ZFHX3: variants seen among roughly 807,000 people sequenced by gnomAD.
ZFHX3 encodes zinc finger homeobox protein 3.
In ZFHX3, 42 loss-of-function variants were observed where a neutral mutation model predicts 279.1. The ratio of observed to expected loss-of-function variants is 0.15; its 90% CI spans 0.12 to 0.19. ZFHX3 has a LOEUF of 0.19. ZFHX3 is among the 10% of genes least tolerant of loss of function. ZFHX3 has a pLI of 1.00. For synonymous variants in ZFHX3, 2,293 were observed against 1,957.8 expected (o/e 1.17, Z -4.52); for missense variants, 4,981 against 4,754.0 (o/e 1.05, Z -1.40).
At position 73,691,389 on chromosome 16, in the gene ZFHX3, A is replaced by G. The variant is rs139201582; in HGVS notation, c.-1607-11149T>C. 1.5e-3 allele frequency among the ~76,000 whole-genome samples: 228 copies of G among 152,374 alleles called. 1 individual carries two copies. The highest frequency in any genetic ancestry group is 5.3e-3 in the African/African-American group (219 of 41,596). On this transcript the variant is annotated intron_variant, in intron 1 of 17. Transcript: ENST00000641206. ...GACTGAAGGAACTCAAAGAGCTTCA[A>G]CACTGCTGTCCATGAAAGAGTAATA...
intron 3 of ZFHX3, among the ~76,000 whole-genome samples, chr16:73,364,983 C>T (rs373700929): frequency 7.1e-4 from 108 of 152,176 alleles, no homozygotes; most frequent in Non-Finnish European, 1.1e-3. Context: ...TTTTCATTAT[C>T]GGCCCTCCTT....
intron 3 of ZFHX3, among the ~76,000 whole-genome samples, chr16:73,394,155 C>T (rs1189864786): frequency 1.3e-5 from 2 of 150,650 alleles, no homozygotes; most frequent in Non-Finnish European, 2.9e-5. Context: ...AGCAGTTTCT[C>T]TGTTGGCTGT....
At chr16:72,937,186 G>C (rs1960170494) in intron 3 of ZFHX3, among the ~76,000 whole-genome samples, 1 of 152,186 alleles carries the variant, frequency 6.6e-6, no homozygotes, top group South Asian at 2.1e-4. Flanking sequence ...CTGGATACAG[G>C]AAGAGGCCTA....
chr16:73,003,117 G>A (rs1963558246), intron 1 of ZFHX3, among the ~76,000 whole-genome samples: 1 of 152,056 alleles, frequency 6.6e-6, no homozygotes, highest in Non-Finnish European at 1.5e-5. Flanking sequence ...CTACCATATG[G>A]CTGCACCACA....
At chr16:72,870,955 T>C (rs1042535848) in intron 4 of ZFHX3, among the ~76,000 whole-genome samples, 6 of 152,308 alleles carry the variant, frequency 3.9e-5, no homozygotes, top group African/African-American at 1.4e-4. Context: ...AGGGGCACCA[T>C]GTGTGAAATT....
At chr16:73,851,164 C>T (rs530998218) in intron 1 of ZFHX3, among the ~76,000 whole-genome samples, 2 of 152,096 alleles carry the variant, frequency 1.3e-5, no homozygotes, top group Non-Finnish European at 2.9e-5. Flanking sequence ...ACATAAAGTA[C>T]AGAACTCAAT....
intron 5 of ZFHX3, among the ~76,000 whole-genome samples, chr16:73,247,287 CTGTG>C (rs1175533022): frequency 2.7e-5 from 4 of 150,274 alleles, no homozygotes; most frequent in African/African-American, 9.8e-5. Flanking sequence ...TAAAATGTGT[CTGTG>C]TGTCTATGTG....
intron 4 of ZFHX3, among the ~76,000 whole-genome samples, chr16:72,832,688 T>C (rs1405217931): frequency 7.2e-6 from 1 of 139,678 alleles, no homozygotes; most frequent in Non-Finnish European, 1.5e-5. Flanking sequence ...GCAGGTCCCA[T>C]TCAGCCCAGC....
intron 3 of ZFHX3, among the ~76,000 whole-genome samples, chr16:73,326,605 A>AG (rs2015694420): frequency 6.6e-6 from 1 of 152,102 alleles, no homozygotes; most frequent in African/African-American, 2.4e-5. Flanking sequence ...CCAAGGGTTG[A>AG]GGGGGGAGGG....
intron 1 of ZFHX3, among the ~76,000 whole-genome samples, chr16:73,863,963 C>T (rs1030907771): frequency 6.6e-6 from 1 of 152,328 alleles, no homozygotes; most frequent in Non-Finnish European, 1.5e-5. Flanking sequence ...GTACCCATCA[C>T]TCCCACCTCT....
chr16:72,837,295 G>C (rs776628595), intron 4 of ZFHX3, among the ~76,000 whole-genome samples: 2 of 152,126 alleles, frequency 1.3e-5, no homozygotes, highest in Admixed American at 6.5e-5. Flanking sequence ...CACCCTGGTG[G>C]CTTACCAAAA....
intron 4 of ZFHX3, among the ~76,000 whole-genome samples, chr16:72,871,391 G>A (rs1344942300): frequency 1.3e-5 from 2 of 151,294 alleles, no homozygotes; most frequent in African/African-American, 2.4e-5. Flanking sequence ...TGCCAGGCTG[G>A]AGTGCAATGG....
At chr16:72,962,391 G>A (rs922951208) in intron 1 of ZFHX3, among the ~76,000 whole-genome samples, 2 of 152,204 alleles carry the variant, frequency 1.3e-5, no homozygotes, top group Admixed American at 6.5e-5. Flanking sequence ...ACTCCAAAGC[G>A]GAAGATGTCA....
At chr16:73,771,464 T>G (rs2054017046) in intron 1 of ZFHX3, among the ~76,000 whole-genome samples, 1 of 152,190 alleles carries the variant, frequency 6.6e-6, no homozygotes, top group Admixed American at 6.5e-5. Flanking sequence ...ACTCAGTGCC[T>G]ATGTAAAGCA....
At chr16:73,391,018 A>C (rs1300454969) in intron 3 of ZFHX3, among the ~76,000 whole-genome samples, 1 of 152,076 alleles carries the variant, frequency 6.6e-6, no homozygotes, top group Non-Finnish European at 1.5e-5. Flanking sequence ...CAGAAATAAG[A>C]AACTGCCATG....
chr16:73,684,543 C>CAT (rs1167780542), intron 1 of ZFHX3, among the ~76,000 whole-genome samples: 2 of 152,126 alleles, frequency 1.3e-5, no homozygotes, highest in African/African-American at 4.8e-5. Context: ...CAAACATACC[C>CAT]ATATCCTACT....
intron 1 of ZFHX3, among the ~76,000 whole-genome samples, chr16:73,696,959 ATC>A (rs2053203185): frequency 6.6e-6 from 1 of 152,230 alleles, no homozygotes; most frequent in Admixed American, 6.5e-5. Context: ...TTCTAATAGC[ATC>A]TGTTTGCTTA....
chr16:72,801,485 C>T (rs2036097003), intron 7 of ZFHX3, among the ~76,000 whole-genome samples: 2 of 152,284 alleles, frequency 1.3e-5, no homozygotes, highest in Middle Eastern at 6.8e-3. Flanking sequence ...GAAACCCAGA[C>T]AGCCACCCCC....
intron 1 of ZFHX3, among the ~76,000 whole-genome samples, chr16:72,968,464 T>A (rs970032540): frequency 3.7e-5 from 5 of 136,812 alleles, no homozygotes; most frequent in African/African-American, 1.5e-4. Context: ...AATTTCCTTT[T>A]TTTTTTTTTT....
Sources: gnomAD v4.1 joint callset for allele counts (sites outside exome capture counted in the v4.1 genomes callset) on GRCh38, gnomAD v4.1.1 for gene constraint, MANE v1.5 for transcripts, NCBI Gene and HGNC (gene_info 2026-07-23, HGNC 2026-07-21) for gene names.